The following FAT3 variants were observed in gnomAD, a reference collection of about 807,000 sequenced individuals.
FAT3 encodes FAT atypical cadherin 3.
A neutral mutation model predicts 310.2 loss-of-function variants in FAT3; 95 were observed. The observed-to-expected ratio is 0.31, with a 90% confidence interval of 0.26 to 0.36. FAT3 has a LOEUF of 0.36. FAT3 is among the 10% of genes least tolerant of loss of function. FAT3 has a pLI of 1.00. For synonymous variants in FAT3, 2,314 were observed against 2,192.9 expected, an observed-to-expected ratio of 1.06 and a Z score of -1.54; for missense variants, 5,408 against 5,715.6, an observed-to-expected ratio of 0.95 and a Z score of 1.74.
chr11:92,517,161 C>A (rs1953514060), intron 2 of FAT3, among the ~76,000 whole-genome samples: 1 of 152,064 alleles, frequency 6.6e-6, no homozygotes, highest in African/African-American at 2.4e-5. Flanking sequence ...CAAAAGAGAG[C>A]CCATATAGCC....
intron 3 of FAT3, among the ~76,000 whole-genome samples, chr11:92,550,187 C>T (rs1954759299): frequency 6.6e-6 from 1 of 152,016 alleles, no homozygotes; most frequent in Non-Finnish European, 1.5e-5. Flanking sequence ...AAAGAAATGT[C>T]AAGGTGTATG....
At chr11:92,776,833 G>T (rs944764303) in intron 7 of FAT3, among the ~76,000 whole-genome samples, 1 of 152,038 alleles carries the variant, frequency 6.6e-6, no homozygotes, top group Non-Finnish European at 1.5e-5. Context: ...GTACATACTT[G>T]TATGTCATTG....
At chr11:92,768,625 G>C (rs996389445) in intron 6 of FAT3, among the ~76,000 whole-genome samples, 1 of 152,034 alleles carries the variant, frequency 6.6e-6, no homozygotes, top group Non-Finnish European at 1.5e-5. Flanking sequence ...TCATCTCTCT[G>C]TTCCCTTCCT....
At chr11:92,225,714 G>A (rs1374646915) in intron 1 of FAT3, among the ~76,000 whole-genome samples, 1 of 152,242 alleles carries the variant, frequency 6.6e-6, no homozygotes, top group East Asian at 2.0e-4. Context: ...GAAAGGGAAA[G>A]GGTTACCAGT....
chr11:92,431,346 T>G (rs12277015), intron 2 of FAT3, among the ~76,000 whole-genome samples: 17,335 of 151,848 alleles, frequency 0.11, 1,281 homozygotes, highest in African/African-American at 0.2. Context: ...TCGCCCACTT[T>G]TTGATGGGGT....
intron 1 of FAT3, among the ~76,000 whole-genome samples, chr11:92,259,571 A>C (rs1865454467): frequency 7.6e-6 from 1 of 131,504 alleles, no homozygotes; most frequent in African/African-American, 3.5e-5. Context: ...ATAAAAATAA[A>C]TAAAAAAAGG....
chr11:92,398,432 C>T (rs1259317242), intron 2 of FAT3, among the ~76,000 whole-genome samples: 5 of 135,220 alleles, frequency 3.7e-5, no homozygotes, highest in African/African-American at 1.4e-4. Flanking sequence ...ACCTGGTAGG[C>T]GGAGGTTGCA....
chr11:92,403,776 C>T (rs1466148729), intron 2 of FAT3, among the ~76,000 whole-genome samples: 1 of 152,094 alleles, frequency 6.6e-6, no homozygotes, highest in Non-Finnish European at 1.5e-5. Context: ...GTGGTTCGCA[C>T]CTGTAATCCA....
chr11:92,555,519 G>A (rs1383495290), intron 3 of FAT3, among the ~76,000 whole-genome samples: 1 of 152,180 alleles, frequency 6.6e-6, no homozygotes, highest in Non-Finnish European at 1.5e-5. Flanking sequence ...TTTAAGGCTT[G>A]TATTGGTTTG....
intron 3 of FAT3, among the ~76,000 whole-genome samples, chr11:92,594,880 G>C (rs1029350468): frequency 6.6e-6 from 1 of 152,052 alleles, no homozygotes; most frequent in African/African-American, 2.4e-5. Flanking sequence ...GCATGAGGTA[G>C]ATTGCTTACG....
chr11:92,716,062 A>G (rs1033065929), intron 4 of FAT3, among the ~76,000 whole-genome samples: 1 of 152,194 alleles, frequency 6.6e-6, no homozygotes, highest in African/African-American at 2.4e-5. Flanking sequence ...CTGGGAAAAG[A>G]GGACTTTGGA....
chr11:92,533,300 G>C (rs1387750417), intron 3 of FAT3, among the ~76,000 whole-genome samples: 1 of 152,102 alleles, frequency 6.6e-6, no homozygotes, highest in Non-Finnish European at 1.5e-5. Flanking sequence ...GGGATTGCAG[G>C]CATAAGCCAC....
At chr11:92,880,648 T>A (rs565091730) in intron 22 of FAT3, 83 bp from the exon 23 acceptor site, 1 of 1,454,250 alleles carries the variant, frequency 6.9e-7, no homozygotes, top group South Asian at 1.4e-5. Flanking sequence ...CAACAAAGAA[T>A]TAGGAGGACA....
intron 4 of FAT3, among the ~76,000 whole-genome samples, chr11:92,722,616 A>G (rs1944895109): frequency 6.6e-6 from 1 of 152,092 alleles, no homozygotes. Flanking sequence ...TTTCCCTTTC[A>G]CACTGCCCTA....
At chr11:92,570,813 C>T (rs1955642275) in intron 3 of FAT3, among the ~76,000 whole-genome samples, 1 of 151,948 alleles carries the variant, frequency 6.6e-6, no homozygotes, top group Non-Finnish European at 1.5e-5. Context: ...TCTCAAGATT[C>T]TCATTGCTTA....
intron 2 of FAT3, among the ~76,000 whole-genome samples, chr11:92,375,214 G>C (rs555404447): frequency 5.0e-4 from 76 of 152,194 alleles, no homozygotes; most frequent in African/African-American, 1.8e-3. Context: ...GCTTACAGCA[G>C]CCTCCAACTC....
In FAT3 at chr11:92,732,801, GTTA is replaced by G. The variant is rs1437842478; in HGVS notation, c.3670-29054_3670-29052del. Among the ~76,000 whole-genome samples, 3 of 152,306 alleles carry G rather than the reference GTTA, an allele frequency of 2.0e-5. No homozygotes were observed. In the East Asian group the frequency reaches 5.8e-4, roughly 29 times the overall value. On this transcript the variant is annotated intron_variant, in intron 4 of 27. Coordinates refer to ENST00000525166, the MANE Select transcript of FAT3 (RefSeq NM_001367949.2). The stretch of plus-strand genomic sequence containing the variant: ...CCAGATACTAGGTTAAGCACTAGAG[GTTA>G]AGCACTGGGGATACAAAAACAAATG...
At chr11:92,393,420 G>C (rs1220842439) in intron 2 of FAT3, among the ~76,000 whole-genome samples, 2 of 152,164 alleles carry the variant, frequency 1.3e-5, no homozygotes, top group African/African-American at 4.8e-5. Flanking sequence ...GGCAGCATCT[G>C]TTGATGCTTT....
At chr11:92,646,193 A>G (rs761885634) in intron 3 of FAT3, among the ~76,000 whole-genome samples, 1 of 152,218 alleles carries the variant, frequency 6.6e-6, no homozygotes, top group Non-Finnish European at 1.5e-5. Flanking sequence ...TGGACTGTCT[A>G]GAGAGCCCAG....
Sources: gnomAD v4.1 joint callset for allele counts (sites outside exome capture counted in the v4.1 genomes callset) on GRCh38, gnomAD v4.1.1 for gene constraint, MANE v1.5 for transcripts, NCBI Gene and HGNC (gene_info 2026-07-23, HGNC 2026-07-21) for gene names.